CAMTA1: variants seen among roughly 807,000 people sequenced by gnomAD.
CAMTA1 encodes calmodulin binding transcription activator 1, also known as calmodulin-binding transcription activator 1.
A neutral mutation model predicts 170.9 loss-of-function variants in CAMTA1; 27 were observed. That is an observed-to-expected ratio of 0.16 (90% CI 0.12 to 0.22). The LOEUF is 0.22. Among genes scored for constraint, CAMTA1 ranks in the 10% least tolerant of loss-of-function variants. The pLI, the probability that CAMTA1 is intolerant of heterozygous loss-of-function variation, is 1.00. For missense variants in CAMTA1, 1,619 were observed against 2,217.2 expected, an observed-to-expected ratio of 0.73 and a Z score of 5.42; for synonymous variants, 833 against 891.5, an observed-to-expected ratio of 0.93 and a Z score of 1.17.
chr1:7,197,728 G>T (rs1655833457), intron 4 of CAMTA1, among the ~76,000 whole-genome samples: 1 of 150,736 alleles, frequency 6.6e-6, no homozygotes, highest in Non-Finnish European at 1.5e-5. Flanking sequence ...CCCAACAACT[G>T]GGGTATTTTT....
chr1:6,988,556 A>G (rs1695755233), intron 3 of CAMTA1, among the ~76,000 whole-genome samples: 1 of 152,124 alleles, frequency 6.6e-6, no homozygotes, highest in Admixed American at 6.5e-5. Context: ...ATTACCCTGG[A>G]AAGAACCCTA....
At chr1:6,891,677 AC>A (rs1227808293) in intron 3 of CAMTA1, among the ~76,000 whole-genome samples, 1 of 152,188 alleles carries the variant, frequency 6.6e-6, no homozygotes, top group Non-Finnish European at 1.5e-5. Context: ...AAAAAACAAA[AC>A]AAAAAGTTTT....
At chr1:7,460,110 G>A (rs1452798989) in intron 5 of CAMTA1, among the ~76,000 whole-genome samples, 1 of 152,270 alleles carries the variant, frequency 6.6e-6, no homozygotes, top group Middle Eastern at 3.2e-3. Context: ...GCAGAACTGT[G>A]TGTGGAGTCA....
Position 7,532,805 on chromosome 1 carries a change from G to C in CAMTA1, c.510+64904G>C, listed in dbSNP as rs1182986578. ...CATGCTGGAGAAGAAGAAAGAAAGGGAAGGAACACAGAAAGAGAAACAGGC... is the reference window on the plus strand; with the variant it reads ...CATGCTGGAGAAGAAGAAAGAAAGGCAAGGAACACAGAAAGAGAAACAGGC... On this transcript the variant is annotated intron_variant, in intron 6 of 22. Coordinates refer to ENST00000303635, the MANE Select transcript of CAMTA1 (RefSeq NM_015215.4). This position sits in a 1 kb window ranked among gnomAD's most constrained non-coding sequence, Gnocchi z 4.2. Among the ~76,000 whole-genome samples, 3 of 152,202 alleles carry C rather than the reference G, an allele frequency of 2.0e-5. No homozygotes were observed. Among genetic ancestry groups the C allele is most frequent in the Non-Finnish European group, 4.4e-5 (3 of 68,042 alleles).
At chr1:6,904,130 A>T (rs1175558071) in intron 3 of CAMTA1, among the ~76,000 whole-genome samples, 1 of 151,736 alleles carries the variant, frequency 6.6e-6, no homozygotes, top group African/African-American at 2.4e-5. Context: ...TTCCCTTCCC[A>T]TTCTTTCCTT....
At chr1:7,283,971 AT>A (rs1390486636) in intron 5 of CAMTA1, among the ~76,000 whole-genome samples, 4 of 152,096 alleles carry the variant, frequency 2.6e-5, no homozygotes, top group African/African-American at 4.8e-5. Context: ...GGAGCCACTT[AT>A]CCAAGTTGAG....
At chr1:6,917,983 G>A (rs556611663) in intron 3 of CAMTA1, among the ~76,000 whole-genome samples, 2 of 152,256 alleles carry the variant, frequency 1.3e-5, no homozygotes, top group East Asian at 3.9e-4. Context: ...GAGGCAAGAG[G>A]TGTCCATGCT....
chr1:6,920,887 G>T (rs1026026116), intron 3 of CAMTA1, among the ~76,000 whole-genome samples: 1 of 152,180 alleles, frequency 6.6e-6, no homozygotes, highest in African/African-American at 2.4e-5. Context: ...CCCAGCCCAC[G>T]AAACCATTTT....
At chr1:6,855,122 T>A (rs1452744183) in intron 3 of CAMTA1, among the ~76,000 whole-genome samples, 2 of 152,138 alleles carry the variant, frequency 1.3e-5, no homozygotes, top group Admixed American at 6.5e-5. Context: ...CTTTATAACT[T>A]ATTATAAATA....
At chr1:6,839,085 T>C (rs1570727183) in intron 3 of CAMTA1, among the ~76,000 whole-genome samples, 1 of 152,174 alleles carries the variant, frequency 6.6e-6, no homozygotes, top group East Asian at 2.0e-4. Context: ...TGTTTATTAA[T>C]GTTCCATTTA....
chr1:6,890,472 C>G (rs908617826), intron 3 of CAMTA1, among the ~76,000 whole-genome samples: 3 of 152,136 alleles, frequency 2.0e-5, no homozygotes, highest in African/African-American at 4.8e-5. Context: ...TTGGGGTGGG[C>G]CTTCAGTGGG....
chr1:6,953,472 T>C (rs1416876783), intron 3 of CAMTA1, among the ~76,000 whole-genome samples: 1 of 152,246 alleles, frequency 6.6e-6, no homozygotes, highest in Non-Finnish European at 1.5e-5. Context: ...GCTTCAGGCC[T>C]GGGTCTGGAT....
chr1:6,902,072 C>CACACACACACACACA (rs3986505), intron 3 of CAMTA1, among the ~76,000 whole-genome samples: 25 of 88,496 alleles, frequency 2.8e-4, no homozygotes, highest in African/African-American at 8.6e-4. Flanking sequence ...CACACACACA[C>CACACACACACACACA]AAAAAAAAAA....
At chr1:7,703,782 G>A (rs2096469002) in intron 11 of CAMTA1, among the ~76,000 whole-genome samples, 1 of 152,214 alleles carries the variant, frequency 6.6e-6, no homozygotes, top group South Asian at 2.1e-4. Flanking sequence ...CCGTGGGACT[G>A]CAAACAGCAC....
Position 7,719,198 on chromosome 1 carries a change from C to T in CAMTA1, c.2915-13250C>T, listed in dbSNP as rs561574805. Among the ~76,000 whole-genome samples, 8 of 152,256 alleles carry T rather than the reference C, an allele frequency of 5.3e-5. No homozygotes were observed. In the South Asian group the frequency reaches 1.7e-3, roughly 32 times the overall value. On this transcript the variant is annotated intron_variant, in intron 11 of 22. Coordinates refer to ENST00000303635, the MANE Select transcript of CAMTA1 (RefSeq NM_015215.4). ...GTTACTTCACTGACAGCAGAGTTGG[C>T]TCCTGCGTGGTGGAGGTGCCGTCGG... is the stretch of plus-strand genomic sequence containing the variant.
At chr1:7,137,709 C>T (rs1029525697) in intron 4 of CAMTA1, among the ~76,000 whole-genome samples, 1 of 152,170 alleles carries the variant, frequency 6.6e-6, no homozygotes, top group African/African-American at 2.4e-5. Context: ...GCCCTTTCCC[C>T]TGATATCCTG....
intron 3 of CAMTA1, among the ~76,000 whole-genome samples, chr1:6,962,421 C>A (rs1015551293): frequency 7.1e-6 from 1 of 141,800 alleles, no homozygotes; most frequent in South Asian, 2.4e-4. Flanking sequence ...TTGGCCTCTT[C>A]CCCGGGCCCA....
chr1:7,568,726 C>T (rs1414802085), intron 6 of CAMTA1, among the ~76,000 whole-genome samples: 1 of 151,410 alleles, frequency 6.6e-6, no homozygotes, highest in Non-Finnish European at 1.5e-5. Context: ...CACCATCCAA[C>T]ATCAACATCA....
rs1353892950 is a variant in CAMTA1, at chr1:6,959,185, A to C, written c.235-132119A>C. Among the ~76,000 whole-genome samples, 7 of 152,150 alleles carry C rather than the reference A, an allele frequency of 4.6e-5. No homozygotes were observed. In the East Asian group the frequency reaches 1.2e-3, roughly 25 times the overall value. ...AGTTTGTATTGAAAAAATTATATAG[A>C]TATCCAGGGGAAATCACAGATTTGT... On this transcript the variant is annotated intron_variant, in intron 3 of 22. Transcript: ENST00000303635.
Sources: allele counts gnomAD v4.1 joint callset (sites outside exome capture counted in the v4.1 genomes callset), GRCh38; gene constraint gnomAD v4.1.1; non-coding constraint Gnocchi (gnomAD v3.1); transcripts MANE v1.5; gene names NCBI Gene and HGNC (gene_info 2026-07-23, HGNC 2026-07-21).